Variants in PRAC2 observed in about 807,000 individuals in gnomAD.
PRAC2 encodes protein PRAC2.
For missense variants in PRAC2, 92 were observed against 114.5 expected (o/e 0.80, Z 0.90); for synonymous variants, 43 against 49.5 (o/e 0.87, Z 0.55).
At chr17:48,720,460 G>C (rs1387682309), upstream of PRAC2, among the ~76,000 whole-genome samples, 2 of 151,984 alleles carry the variant, frequency 1.3e-5, no homozygotes, top group African/African-American at 4.8e-5. Context: ...TTGCTTGTCT[G>C]TGTGTGTGTG....
chr17:48,721,214 G>A (rs1307402515), upstream of PRAC2, among the ~76,000 whole-genome samples: 1 of 152,292 alleles, frequency 6.6e-6, no homozygotes, highest in African/African-American at 2.4e-5. Context: ...GAGCCCCTGT[G>A]CGCACACATG....
upstream of PRAC2, among the ~76,000 whole-genome samples, chr17:48,718,992 C>G (rs554779702): frequency 6.6e-6 from 1 of 152,204 alleles, no homozygotes; most frequent in Non-Finnish European, 1.5e-5. Context: ...TAGCCGGTGT[C>G]GCTGAGCCGC....
At chr17:48,721,045 T>A (rs562904882), upstream of PRAC2, among the ~76,000 whole-genome samples, 1 of 152,194 alleles carries the variant, frequency 6.6e-6, no homozygotes, top group Non-Finnish European at 1.5e-5. Context: ...GAGGGGGAAC[T>A]GGCAGGGAAG....
upstream of PRAC2, among the ~76,000 whole-genome samples, chr17:48,719,593 G>T (rs1051246473): frequency 3.9e-5 from 6 of 152,196 alleles, no homozygotes; most frequent in Non-Finnish European, 8.8e-5. Flanking sequence ...TAAATCATCG[G>T]CCTTAGCTAG....
At chr17:48,720,403 G>A (rs1392214927), upstream of PRAC2, among the ~76,000 whole-genome samples, 1 of 152,058 alleles carries the variant, frequency 6.6e-6, no homozygotes, top group Non-Finnish European at 1.5e-5. Context: ...CTTCCCTCCC[G>A]GATTTGATAT....
chr17:48,722,170 G>A (rs2038152337), upstream of PRAC2: 2 of 729,088 alleles, frequency 2.7e-6, no homozygotes, highest in South Asian at 1.9e-5. Flanking sequence ...AGGTGGTATC[G>A]GTGAAAGCCT....
At chr17:48,722,329 G>C (rs867011313), upstream of PRAC2, 2 of 1,613,934 alleles carry the variant, frequency 1.2e-6, no homozygotes, top group Middle Eastern at 1.7e-4. Flanking sequence ...TTATTAGAGA[G>C]AAAAGCACTC....
At chr17:48,719,864 G>C (rs1341896045), upstream of PRAC2, among the ~76,000 whole-genome samples, 3 of 152,266 alleles carry the variant, frequency 2.0e-5, no homozygotes, top group Non-Finnish European at 2.9e-5. Context: ...GGTTTCTCGC[G>C]TTTCGGGTCG....
At chr17:48,721,747 T>C, upstream of PRAC2, 3 of 1,432,882 alleles carry the variant, frequency 2.1e-6, no homozygotes, top group Non-Finnish European at 2.8e-6. Flanking sequence ...TTTTATTGTA[T>C]AAATAGAGAC....
chr17:48,718,810 G>A (rs548777137), upstream of PRAC2, among the ~76,000 whole-genome samples: 5 of 152,308 alleles, frequency 3.3e-5, no homozygotes, highest in East Asian at 7.8e-4. Context: ...CAAGCTCTGC[G>A]GCAGGTAAAA....
chr17:48,721,626 G>GT, upstream of PRAC2: 1 of 564,986 alleles, frequency 1.8e-6, no homozygotes, highest in Non-Finnish European at 2.7e-6. Flanking sequence ...TGCCTGGCCC[G>GT]TTTTTATTTT....
upstream of PRAC2, among the ~76,000 whole-genome samples, chr17:48,721,425 G>C (rs960511091): frequency 1.3e-5 from 2 of 152,118 alleles, no homozygotes; most frequent in Admixed American, 1.3e-4. Context: ...TCCCAGGTTC[G>C]AGCAATTCTT....
chr17:48,721,669 G>A, upstream of PRAC2: 1 of 932,992 alleles, frequency 1.1e-6, no homozygotes, highest in Non-Finnish European at 1.5e-6. Context: ...TTAAGGATGA[G>A]TTAGTTTAAA....
chr17:48,721,869 C>T (rs1412006292), upstream of PRAC2: 6 of 1,535,254 alleles, frequency 3.9e-6, no homozygotes, highest in East Asian at 2.5e-5. Context: ...CTCCTGGTCT[C>T]GCCCAGTAGA....
At chr17:48,719,238 C>T (rs1426608228), upstream of PRAC2, among the ~76,000 whole-genome samples, 1 of 152,116 alleles carries the variant, frequency 6.6e-6, no homozygotes, top group African/African-American at 2.4e-5. Flanking sequence ...CACACACACA[C>T]ACACACGCAC....
chr17:48,722,611 C>T (rs758822093), upstream of PRAC2: 20 of 549,950 alleles, frequency 3.6e-5, no homozygotes, highest in Non-Finnish European at 5.9e-5. Flanking sequence ...CACCTCATAG[C>T]TGCAAGTAGG....
upstream of PRAC2, among the ~76,000 whole-genome samples, chr17:48,722,868 AC>A (rs1024362538): frequency 5.3e-5 from 8 of 151,168 alleles, no homozygotes; most frequent in Non-Finnish European, 7.4e-5. Context: ...AAAGTCCCTG[AC>A]CCTCCCCCCA....
upstream of PRAC2, among the ~76,000 whole-genome samples, chr17:48,719,212 A>AACACACACACACACAC (rs3060082): frequency 1.3e-3 from 189 of 141,132 alleles, no homozygotes; most frequent in African/African-American, 4.4e-3. Context: ...CTCGCACACA[A>AACACACACACACACAC]ACACACACAC....
At chr17:48,721,441 T>TGGG (rs1256959096), upstream of PRAC2, among the ~76,000 whole-genome samples, 2 of 152,202 alleles carry the variant, frequency 1.3e-5, no homozygotes, top group Admixed American at 1.3e-4. Flanking sequence ...TTCTTGTGCT[T>TGGG]CAGCCTCTTG....
Sources: allele counts gnomAD v4.1 joint callset (sites outside exome capture counted in the v4.1 genomes callset), GRCh38; gene constraint gnomAD v4.1.1; transcripts MANE v1.5; gene names NCBI Gene and HGNC (gene_info 2026-07-23, HGNC 2026-07-21).